EDEM2: variants seen among roughly 807,000 people sequenced by gnomAD.
EDEM2 encodes the protein ER degradation enhancing alpha-mannosidase like protein 2, also known as ER degradation-enhancing alpha-mannosidase-like protein 2.
Under a neutral mutation model 64.8 loss-of-function variants are expected in EDEM2, and 39 were observed. The observed-to-expected ratio is 0.60, with a 90% CI of 0.47 to 0.79. The LOEUF is 0.79. Ranked by LOEUF, EDEM2 falls within the 30% of genes least tolerant of loss-of-function variation. The pLI, the probability that EDEM2 is intolerant of heterozygous loss-of-function variation, is 0.00. For missense variants in EDEM2, 609 were observed against 731.3 expected, an observed-to-expected ratio of 0.83 and a Z score of 1.93; for synonymous variants, 296 against 291.5, an observed-to-expected ratio of 1.02 and a Z score of -0.16.
At chr20:35,132,623 C>T (rs1349990784) in intron 6 of EDEM2, among the ~76,000 whole-genome samples, 3 of 151,834 alleles carry the variant, frequency 2.0e-5, no homozygotes, top group Non-Finnish European at 4.4e-5. Flanking sequence ...CACTGCACTC[C>T]AGCCTGGGCG....
chr20:35,141,119 C>CAAAAA (rs58702725), intron 4 of EDEM2, among the ~76,000 whole-genome samples: 27 of 29,378 alleles, frequency 9.2e-4, no homozygotes, highest in African/African-American at 2.3e-3. Flanking sequence ...GACTCCGCCT[C>CAAAAA]AAAAAAAAAA....
chr20:35,123,925 G>A lies in EDEM2; in HGVS notation c.1079C>T (p.Thr360Ile). The change falls in exon 9 of 11, where the codon ACA (threonine) becomes ATA (isoleucine). Residue 360 changes from threonine to isoleucine, a missense_variant. By Grantham distance (89) the Thr-to-Ile change is moderately conservative. Transcript: ENST00000374492. ...PEFYNIPQGY[T>I]VEKREGYPLR... Reference sequence around the variant, plus strand: ...TGGGTAGCCCTCTCGCTTCTCCACTGTGTATCCCTGAGGAATGTTGTAGAA... The same window carrying A: ...TGGGTAGCCCTCTCGCTTCTCCACTATGTATCCCTGAGGAATGTTGTAGAA... The A allele has an allele frequency of 6.2e-7, 1 of 1,614,186 alleles. No individual in the cohort carries two copies. The highest frequency in any genetic ancestry group is 1.1e-5 in the South Asian group (1 of 91,076).
chr20:35,124,103 A>G, intron 8 of EDEM2, 69 bp from the exon 9 acceptor site: 1 of 1,557,988 alleles, frequency 6.4e-7, no homozygotes, highest in Non-Finnish European at 8.7e-7. Flanking sequence ...CCTTAAGAAA[A>G]GACAAAGTAA....
chr20:35,145,284 A>T (rs2085713903), intron 2 of EDEM2, among the ~76,000 whole-genome samples: 1 of 152,250 alleles, frequency 6.6e-6, no homozygotes, highest in Non-Finnish European at 1.5e-5. Flanking sequence ...ATTGGGAGGC[A>T]GTATAAGATT....
At chr20:35,146,996 C>A (rs1221817358) in intron 1 of EDEM2, 61 bp from the exon 2 acceptor site, 2 of 1,577,066 alleles carry the variant, frequency 1.3e-6, no homozygotes, top group African/African-American at 1.4e-5. Context: ...GGGGGAAGAA[C>A]AAGATACAGG....
At chr20:35,128,058 A>G (rs2085458188) in intron 7 of EDEM2, among the ~76,000 whole-genome samples, 1 of 152,202 alleles carries the variant, frequency 6.6e-6, no homozygotes, top group South Asian at 2.1e-4. Context: ...TGTATTTACT[A>G]TATTATTATC....
rs762936694 is a variant in EDEM2 at position 35,134,891 on chromosome 20, G to A, written c.549C>T (p.Asn183=). 1.9e-5 allele frequency: 31 copies of A among 1,614,054 alleles called. No individual in the cohort carries two copies. Among genetic ancestry groups the A allele is most frequent in the Non-Finnish European group, 2.5e-5 (30 of 1,180,052 alleles). ...YGTVNLLHGV[N]PGETPVTCTA... ...TACAGGTGACAGGGGTCTCTCCTGG[G>A]TTCACGCCATGAAGTAAGTTCACTG... The change falls in exon 6 of 11, where the codon AAC becomes AAT. Residue 183 remains asparagine, a synonymous_variant. Coordinates refer to ENST00000374492, the MANE Select transcript of EDEM2 (RefSeq NM_018217.3).
At chr20:35,136,540 T>A (rs898571730) in intron 5 of EDEM2, among the ~76,000 whole-genome samples, 4 of 152,048 alleles carry the variant, frequency 2.6e-5, no homozygotes, top group East Asian at 3.9e-4. Flanking sequence ...ATGGATCACT[T>A]GATCCCGGGA....
At chr20:35,125,449 A>T (rs2085419497) in intron 8 of EDEM2, among the ~76,000 whole-genome samples, 1 of 151,876 alleles carries the variant, frequency 6.6e-6, no homozygotes, top group Non-Finnish European at 1.5e-5. Flanking sequence ...CAGTGGCGCA[A>T]TCTCAGCTCA....
intron 8 of EDEM2, among the ~76,000 whole-genome samples, chr20:35,124,401 ATTTTTG>A (rs2085405655): frequency 6.6e-6 from 1 of 152,054 alleles, no homozygotes; most frequent in South Asian, 2.1e-4. Flanking sequence ...AAAGATAACC[ATTTTTG>A]TTTTTGTTTT....
At chr20:35,137,534 C>T (rs2085593731) in intron 5 of EDEM2, among the ~76,000 whole-genome samples, 1 of 152,308 alleles carries the variant, frequency 6.6e-6, no homozygotes, top group East Asian at 1.9e-4. Context: ...CTTCCCTGGG[C>T]CCCTGTTACT....
chr20:35,116,692 G>T (rs1036691246), intron 10 of EDEM2, among the ~76,000 whole-genome samples: 1 of 152,122 alleles, frequency 6.6e-6, no homozygotes, highest in African/African-American at 2.4e-5. Flanking sequence ...TAAACATAGA[G>T]CTAATCGTCC....
At chr20:35,140,758 GA>G (rs1315276999) in intron 4 of EDEM2, among the ~76,000 whole-genome samples, 5 of 152,012 alleles carry the variant, frequency 3.3e-5, no homozygotes, top group Non-Finnish European at 5.9e-5. Flanking sequence ...TTAGTAAGAG[GA>G]AAATGGAATG....
At position 35,137,981 on chromosome 20, in the gene EDEM2, T is replaced by G. The variant is rs2085601357; in HGVS notation, c.389A>C (p.His130Pro). ...IRVVGGLLSA[H>P]LLSKKAGVEV... ...CACCCCAGCCTTCTTGGAGAGCAGA[T>G]GAGCAGACAGGAGTCCTCCTACCAC... Residue 130 changes from histidine (H) to proline (P), a missense_variant, in exon 5 of 11, where the codon CAT becomes CCT. Transcript: ENST00000374492. The G allele has an allele frequency of 6.2e-7, 1 of 1,614,148 alleles. No homozygotes were observed.
intron 9 of EDEM2, among the ~76,000 whole-genome samples, chr20:35,120,746 T>C (rs1274274169): frequency 1.3e-5 from 2 of 151,942 alleles, no homozygotes; most frequent in Non-Finnish European, 2.9e-5. Flanking sequence ...TACAGGCACA[T>C]GCCACCGTGC....
At chr20:35,130,370 G>A (rs931300374) in intron 7 of EDEM2, among the ~76,000 whole-genome samples, 2 of 151,978 alleles carry the variant, frequency 1.3e-5, no homozygotes, top group Non-Finnish European at 2.9e-5. Context: ...GTGCCTAGCC[G>A]AAAAAGTTTA....
In EDEM2 at chr20:35,134,969, T is replaced by C; in HGVS notation, c.491-20A>G. The stretch of plus-strand genomic sequence containing the variant: ...GAAAGGCTGAACAATCGACAAATTA[T>C]GATCCCGGACAGGAGCAGGGGGATA... On this transcript the variant is annotated intron_variant, in intron 5 of 10. Coordinates refer to ENST00000374492, the MANE Select transcript of EDEM2 (RefSeq NM_018217.3). 1.9e-6 allele frequency: 3 copies of C among 1,612,154 alleles called. No homozygotes were observed. Among genetic ancestry groups the C allele is most frequent in the Non-Finnish European group, 1.7e-6 (2 of 1,179,502 alleles).
At chr20:35,129,379 C>A (rs2085478403) in intron 7 of EDEM2, among the ~76,000 whole-genome samples, 1 of 151,612 alleles carries the variant, frequency 6.6e-6, no homozygotes, top group African/African-American at 2.4e-5. Flanking sequence ...TGTACTCCAG[C>A]CTGGGCAACA....
chr20:35,123,986 A>C lies in EDEM2; in HGVS notation c.1018T>G (p.Tyr340Asp), dbSNP rs1365194011. ...CCCCCAAACTGCTTCCATACAGTGT[A>C]GTAGTTGAGGAAGGTCCTCATGGCA... is the stretch of plus-strand genomic sequence containing the variant. ...DNAMRTFLNY[Y>D]TVWKQFGGLP... Residue 340 changes from tyrosine (Y) to aspartate (D), a missense_variant, in exon 9 of 11, where the codon TAC becomes GAC. Tyr to Asp is a radical substitution (Grantham distance 160, BLOSUM62 -3). Coordinates refer to ENST00000374492, the MANE Select transcript of EDEM2 (RefSeq NM_018217.3). 1 of 1,614,136 alleles carries C rather than the reference A, an allele frequency of 6.2e-7. No individual in the cohort carries two copies.
Sources: gnomAD v4.1 joint callset for allele counts (sites outside exome capture counted in the v4.1 genomes callset) on GRCh38, gnomAD v4.1.1 for gene constraint, MANE v1.5 for transcripts, NCBI Gene and HGNC (gene_info 2026-07-23, HGNC 2026-07-21) for gene names.